The following HELQ variants were observed in gnomAD, a reference collection of about 807,000 sequenced individuals.
HELQ encodes helicase, POLQ like.
A neutral mutation model predicts 111.6 loss-of-function variants in HELQ; 77 were observed. That is an observed-to-expected ratio of 0.69 (90% CI 0.57 to 0.83). HELQ has a LOEUF of 0.83. Ranked by LOEUF, HELQ falls within the 40% of genes least tolerant of loss-of-function variation. The probability of loss-of-function intolerance (pLI) is 0.00; values close to 1 mark genes in which losing one functional copy is unlikely to be tolerated. For missense variants in HELQ, 1,200 were observed against 1,288.5 expected (o/e 0.93, Z 1.05); for synonymous variants, 438 against 454.7 (o/e 0.96, Z 0.47).
intron 8 of HELQ, among the ~76,000 whole-genome samples, chr4:83,437,993 AT>A (rs990163705): frequency 5.3e-5 from 8 of 152,148 alleles, no homozygotes; most frequent in African/African-American, 1.9e-4. Flanking sequence ...TTTACTGAGA[AT>A]TTTTTTAATG....
At chr4:83,432,681 A>T (rs987296630) in intron 9 of HELQ, among the ~76,000 whole-genome samples, 1 of 152,152 alleles carries the variant, frequency 6.6e-6, no homozygotes, top group Non-Finnish European at 1.5e-5. Context: ...TAACATATAC[A>T]TATCTATTTA....
In HELQ at chr4:83,436,898, T is replaced by A; in HGVS notation, c.2008A>T (p.Thr670Ser). The change falls in exon 9 of 18, where the codon ACA (threonine) becomes TCA (serine). Residue 670 changes from threonine to serine, a missense_variant. By Grantham distance (58) the Thr-to-Ser change is moderately conservative (BLOSUM62 1). Transcript: ENST00000295488. ...TTGACACCTGCCGCTAGGGTAGATG[T>A]GCAGGTAAAAAGACAGAGCACTCCT... ...STGVLCLFTC[T>S]STLAAGVNLP... 1 of 1,614,184 alleles carries A rather than the reference T, an allele frequency of 6.2e-7. No homozygotes were observed. Among genetic ancestry groups the A allele is most frequent in the Non-Finnish European group, 8.5e-7 (1 of 1,180,026 alleles).
rs149019108 is a variant in HELQ, at chr4:83,417,347, C to T, written c.3064-482G>A. ...CCTCCCAAGTAGCTGGGATTACAGG[C>T]GCACGACACCATACTTGGCTAATTT... is the stretch of plus-strand genomic sequence containing the variant. On this transcript the variant is annotated intron_variant, in intron 16 of 17. Coordinates refer to ENST00000295488, the MANE Select transcript of HELQ (RefSeq NM_133636.5). Among the ~76,000 whole-genome samples, 202 of 152,078 alleles carry T rather than the reference C, an allele frequency of 1.3e-3. 1 individual carries two copies. Among genetic ancestry groups the T allele is most frequent in the African/African-American group, 4.6e-3 (192 of 41,486 alleles).
Position 83,431,776 on chromosome 4 carries a change from G to A in HELQ, c.2191-8C>T, listed in dbSNP as rs759102018. The A allele has an allele frequency of 3.3e-6, 4 of 1,225,656 alleles. No individual in the cohort carries two copies. Among genetic ancestry groups the A allele is most frequent in the Admixed American group, 4.9e-5 (2 of 40,928 alleles). The allele number at this position is 1,225,656 out of a possible 1,614,324, so 75.9% of individuals were successfully genotyped here. ...AGTTATTAACTCCAATACCTATAAA[G>A]GTTAAAGCAAAACCATGCCTTGTGT... On this transcript the variant is annotated splice_region_variant and splice_polypyrimidine_tract_variant and intron_variant, in intron 10 of 17. Coordinates refer to ENST00000295488, the MANE Select transcript of HELQ (RefSeq NM_133636.5).
At chr4:83,436,717 A>C in intron 9 of HELQ, 141 bp downstream of exon 9, 1 of 748,236 alleles carries the variant, frequency 1.3e-6, no homozygotes, top group South Asian at 2.4e-5. Flanking sequence ...AAGAAAATAA[A>C]CCAACCAATC....
Position 83,448,873 on chromosome 4 carries a change from G to C in HELQ, c.1101C>G (p.Leu367=). 6.2e-7 allele frequency: 1 copy of C among 1,613,446 alleles called. No individual in the cohort carries two copies. The highest frequency in any genetic ancestry group is 8.5e-7 in the Non-Finnish European group (1 of 1,179,608). ...CTTGCAGCATTAAAATCTCAGCCAC[G>C]AGGGTTTTTCCACCACTTGTTGGCA... is the stretch of plus-strand genomic sequence containing the variant. ...YSLPTSGGKT[L]VAEILMLQEL... Residue 367 remains leucine (L), a synonymous_variant, in exon 3 of 18, where the codon CTC becomes CTG. Transcript: ENST00000295488.
At chr4:83,418,832 A>G (rs1458920339) in intron 15 of HELQ, among the ~76,000 whole-genome samples, 1 of 152,256 alleles carries the variant, frequency 6.6e-6, no homozygotes, top group Non-Finnish European at 1.5e-5. Flanking sequence ...AATCAACGTA[A>G]TGAAGATGGC....
Position 83,436,918 on chromosome 4 carries a change from A to G in HELQ, c.1988T>C (p.Val663Ala). 1.2e-6 allele frequency: 2 copies of G among 1,614,144 alleles called. No individual in the cohort carries two copies. Among genetic ancestry groups the G allele is most frequent in the Non-Finnish European group, 1.7e-6 (2 of 1,180,004 alleles). ...KLLEEAYSTG[V>A]LCLFTCTSTL... is the part of the protein sequence containing the mutation. Reference sequence around the variant, plus strand: ...AGATGTGCAGGTAAAAAGACAGAGCACTCCTGTGGAGTAGGCCTCCTCCAA... The same window carrying G: ...AGATGTGCAGGTAAAAAGACAGAGCGCTCCTGTGGAGTAGGCCTCCTCCAA... The change falls in exon 9 of 18, where the codon GTG becomes GCG. Residue 663 changes from valine (V) to alanine (A), a missense_variant. Val to Ala is a moderately conservative substitution (Grantham distance 64). Around this residue, in one of 3 missense-constraint regions of HELQ, gnomAD observed 585 missense variants for 665.3 expected, o/e 0.88. Coordinates refer to ENST00000295488, the MANE Select transcript of HELQ (RefSeq NM_133636.5).
intron 8 of HELQ, 112 bp downstream of exon 8, chr4:83,439,751 A>T (rs1439355511): frequency 4.2e-6 from 3 of 721,054 alleles, no homozygotes; most frequent in Non-Finnish European, 6.8e-6. Context: ...ATACTAAAAC[A>T]ACTTAATATG....
rs190042739 is a variant in HELQ at position 83,428,089 on chromosome 4, T to G, written c.2519-369A>C. Among the ~76,000 whole-genome samples the G allele has an allele frequency of 2.7e-3, 415 of 152,306 alleles. 1 individual carries two copies. Among genetic ancestry groups the G allele is most frequent in the African/African-American group, 9.6e-3 (399 of 41,572 alleles). ...ATCCATACTATAGATGACTGTAGTA[T>G]TAAAAGAAAAATGAGATAGATTTAA... On this transcript the variant is annotated intron_variant, in intron 12 of 17. Transcript: ENST00000295488.
At chr4:83,429,969 T>C (rs572207994) in intron 11 of HELQ, among the ~76,000 whole-genome samples, 1 of 152,200 alleles carries the variant, frequency 6.6e-6, no homozygotes, top group East Asian at 1.9e-4. Context: ...TATGAAAACA[T>C]GTACTCATTT....
intron 9 of HELQ, among the ~76,000 whole-genome samples, chr4:83,433,918 T>C (rs1720301425): frequency 6.8e-6 from 1 of 147,026 alleles, no homozygotes; most frequent in Non-Finnish European, 1.5e-5. Context: ...GAGGCAGAGG[T>C]TGCAGTGAGC....
At chr4:83,427,375 C>T (rs1371758058) in intron 13 of HELQ, among the ~76,000 whole-genome samples, 188 bp downstream of exon 13, 6 of 151,976 alleles carry the variant, frequency 3.9e-5, no homozygotes, top group Non-Finnish European at 8.8e-5. Context: ...ATATAATAGG[C>T]CGGGTACAGT....
chr4:83,441,539 A>C (rs1019183029), intron 6 of HELQ, 136 bp from the exon 7 acceptor site: 8 of 522,882 alleles, frequency 1.5e-5, no homozygotes, highest in Non-Finnish European at 2.4e-5. Context: ...AACATGCTTC[A>C]ACTTAAAAGT....
intron 8 of HELQ, among the ~76,000 whole-genome samples, chr4:83,437,881 C>A (rs1033854939): frequency 3.9e-5 from 6 of 152,092 alleles, no homozygotes; most frequent in Non-Finnish European, 7.3e-5. Context: ...TAAAACACTG[C>A]CTAAACACTT....
intron 12 of HELQ, among the ~76,000 whole-genome samples, chr4:83,428,116 G>T (rs1449206199): frequency 6.6e-6 from 1 of 152,134 alleles, no homozygotes; most frequent in Non-Finnish European, 1.5e-5. Context: ...TAGATTTAAA[G>T]AGACTCATCT....
chr4:83,452,801 T>C (rs994896768), intron 2 of HELQ, among the ~76,000 whole-genome samples: 1 of 152,200 alleles, frequency 6.6e-6, no homozygotes, highest in South Asian at 2.1e-4. Flanking sequence ...AGTCATCAGA[T>C]CTTAAGTGAG....
chr4:83,430,271 T>G (rs1720069208), intron 11 of HELQ, among the ~76,000 whole-genome samples: 1 of 127,940 alleles, frequency 7.8e-6, no homozygotes. Context: ...ACTTAAAGTA[T>G]AATAAAAAAA....
At position 83,455,620 on chromosome 4, in the gene HELQ, A is replaced by G; in HGVS notation, c.74T>C (p.Ile25Thr). The change falls in exon 1 of 18, where the codon ATT becomes ACT. Residue 25 changes from isoleucine to threonine, a missense_variant. Coordinates refer to ENST00000295488, the MANE Select transcript of HELQ (RefSeq NM_133636.5). Reference sequence around the variant, plus strand: ...CTCGGCCGCGGTGGGAGCGCCAAAAATACACCCCAAGCTTGGACGGTTCCT... The same window carrying G: ...CTCGGCCGCGGTGGGAGCGCCAAAAGTACACCCCAAGCTTGGACGGTTCCT... ...PKRNRPSLGC[I>T]FGAPTAAELV... 1 of 1,613,586 alleles carries G rather than the reference A, an allele frequency of 6.2e-7. No individual in the cohort carries two copies. Among genetic ancestry groups the G allele is most frequent in the Non-Finnish European group, 8.5e-7 (1 of 1,179,932 alleles).
Sources: gnomAD v4.1 joint callset for allele counts (sites outside exome capture counted in the v4.1 genomes callset) on GRCh38, gnomAD v4.1.1 for gene constraint, gnomAD v4.1.1 regional missense constraint, MANE v1.5 for transcripts, NCBI Gene and HGNC (gene_info 2026-07-23, HGNC 2026-07-21) for gene names.